The following ATP8A1 variants were observed in gnomAD, a reference collection of about 807,000 sequenced individuals.
ATP8A1 encodes phospholipid-transporting ATPase IA.
A neutral mutation model predicts 177.7 loss-of-function variants in ATP8A1; 90 were observed. The ratio of observed to expected loss-of-function variants is 0.51; its 90% CI spans 0.43 to 0.60. The LOEUF (loss-of-function observed/expected upper bound fraction) is 0.60, where lower values mean the gene tolerates loss of function less well. Ranked by LOEUF, ATP8A1 falls within the 20% of genes least tolerant of loss-of-function variation. The pLI is 0.00. For missense variants in ATP8A1, 1,072 were observed against 1,392.8 expected (o/e 0.77, Z 3.67); for synonymous variants, 493 against 485.9 (o/e 1.01, Z -0.19).
At chr4:42,469,010 G>A (rs934714647) in intron 25 of ATP8A1, among the ~76,000 whole-genome samples, 1 of 105,700 alleles carries the variant, frequency 9.5e-6, no homozygotes, top group Non-Finnish European at 2.3e-5. Flanking sequence ...GGGGTCTGCT[G>A]TTTGAAACTG....
chr4:42,514,184 A>C (rs192853936), intron 22 of ATP8A1, among the ~76,000 whole-genome samples: 2 of 152,358 alleles, frequency 1.3e-5, no homozygotes, highest in Admixed American at 1.3e-4. Context: ...GGTGCTTTTC[A>C]AACCATAGAA....
At chr4:42,536,258 C>A (rs1727817352) in intron 20 of ATP8A1, among the ~76,000 whole-genome samples, 1 of 152,054 alleles carries the variant, frequency 6.6e-6, no homozygotes, top group Non-Finnish European at 1.5e-5. Context: ...CAGTTAGAAA[C>A]AAAATAGGAG....
At chr4:42,635,807 A>ATATATATATATATATATATATATG (rs1225426053) in intron 1 of ATP8A1, among the ~76,000 whole-genome samples, 1 of 117,500 alleles carries the variant, frequency 8.5e-6, no homozygotes, top group Non-Finnish European at 1.7e-5. Context: ...ATATATATAT[A>ATATATATATATATATATATATATG]TATACACATG....
rs1371910173 is a variant in ATP8A1, at chr4:42,569,219, GAA to G, written c.1296-16_1296-15del. On this transcript the variant is annotated splice_polypyrimidine_tract_variant and intron_variant, in intron 14 of 36. Transcript: ENST00000381668. ...TCAGGGACATGGCTTCAGAAAGCAA[GAA>G]GAGAGGCAGAAAGAGAGGAAAAATA... 1 of 1,601,328 alleles carries G rather than the reference GAA, an allele frequency of 6.2e-7. No individual in the cohort carries two copies. The highest frequency in any genetic ancestry group is 2.3e-5 in the East Asian group (1 of 44,050).
chr4:42,434,208 A>C (rs1715646028), intron 33 of ATP8A1, among the ~76,000 whole-genome samples: 1 of 152,188 alleles, frequency 6.6e-6, no homozygotes, highest in Non-Finnish European at 1.5e-5. Flanking sequence ...AAGAGAAACA[A>C]AATTTTAAAA....
intron 24 of ATP8A1, among the ~76,000 whole-genome samples, chr4:42,498,517 T>A (rs1023514753): frequency 9.2e-5 from 14 of 152,234 alleles, no homozygotes; most frequent in African/African-American, 3.1e-4. Context: ...ATTCATTTTC[T>A]GTAAAATATG....
intron 5 of ATP8A1, 56 bp downstream of exon 5, chr4:42,615,977 G>A (rs1215538060): frequency 2.7e-6 from 4 of 1,474,648 alleles, no homozygotes; most frequent in Admixed American, 1.8e-5. Flanking sequence ...TGAAGTGTTT[G>A]TATATACTAC....
intron 6 of ATP8A1, among the ~76,000 whole-genome samples, chr4:42,593,643 T>C (rs972831515): frequency 6.6e-6 from 1 of 152,098 alleles, no homozygotes; most frequent in African/African-American, 2.4e-5. Context: ...CAATTTTTCT[T>C]AATTTAAAAT....
Position 42,656,897 on chromosome 4 carries a change from C to G in ATP8A1, c.-24G>C. 6.4e-7 allele frequency: 1 copy of G among 1,568,864 alleles called. No individual in the cohort carries two copies. The highest frequency in any genetic ancestry group is 2.4e-5 in the East Asian group (1 of 41,674). On this transcript the variant is annotated 5_prime_UTR_variant, in exon 1 of 37. Transcript: ENST00000381668. ...ATCGCGGCGGCGGCTGCAGGTGGGT[C>G]CTCAGCCCGGACTCTGCACCTGTCA...
intron 5 of ATP8A1, among the ~76,000 whole-genome samples, chr4:42,607,223 C>T (rs1470381734): frequency 6.6e-6 from 1 of 152,094 alleles, no homozygotes; most frequent in East Asian, 1.9e-4. Flanking sequence ...AAATACAAAA[C>T]CAGAATACAG....
intron 14 of ATP8A1, among the ~76,000 whole-genome samples, chr4:42,569,794 CTT>C (rs1212968157): frequency 6.6e-6 from 1 of 151,996 alleles, no homozygotes; most frequent in Non-Finnish European, 1.5e-5. Flanking sequence ...TTAAAACACT[CTT>C]TATTTCAAAC....
intron 15 of ATP8A1, among the ~76,000 whole-genome samples, chr4:42,560,508 T>A (rs573706939): frequency 1.3e-5 from 2 of 152,142 alleles, no homozygotes; most frequent in East Asian, 3.9e-4. Context: ...CAGGATAACT[T>A]TAAAATAACA....
At chr4:42,414,563 T>C in intron 36 of ATP8A1, 64 bp downstream of exon 36, 1 of 1,378,518 alleles carries the variant, frequency 7.3e-7, no homozygotes, top group Non-Finnish European at 1.0e-6. Context: ...CAGGATACTG[T>C]ATAAATGCTA....
At chr4:42,552,376 T>A in intron 17 of ATP8A1, 129 bp downstream of exon 17, 1 of 700,860 alleles carries the variant, frequency 1.4e-6, no homozygotes, top group Non-Finnish European at 2.4e-6. Flanking sequence ...AGCCAAGGTT[T>A]TTCTAATTGG....
chr4:42,503,754 G>A (rs1220936272), intron 23 of ATP8A1, among the ~76,000 whole-genome samples: 2 of 152,064 alleles, frequency 1.3e-5, no homozygotes, highest in African/African-American at 2.4e-5. Context: ...AAAGATGGTG[G>A]TAAGGATTCT....
At chr4:42,421,453 G>A (rs1312276088) in intron 35 of ATP8A1, among the ~76,000 whole-genome samples, 1 of 152,104 alleles carries the variant, frequency 6.6e-6, no homozygotes, top group Non-Finnish European at 1.5e-5. Flanking sequence ...TTCATCTCTC[G>A]AAGCCCCAGT....
chr4:42,582,823 T>G (rs1733234535), intron 9 of ATP8A1, among the ~76,000 whole-genome samples: 1 of 152,030 alleles, frequency 6.6e-6, no homozygotes, highest in Admixed American at 6.6e-5. Context: ...GGCTACCCAC[T>G]ATGGTAGGTT....
At chr4:42,480,222 G>T (rs1721533972) in intron 25 of ATP8A1, among the ~76,000 whole-genome samples, 1 of 152,102 alleles carries the variant, frequency 6.6e-6, no homozygotes, top group Non-Finnish European at 1.5e-5. Flanking sequence ...TATAGCCATT[G>T]CAGTTCCTTT....
chr4:42,581,367 T>C (rs1733048844), intron 10 of ATP8A1, among the ~76,000 whole-genome samples: 1 of 152,172 alleles, frequency 6.6e-6, no homozygotes, highest in Non-Finnish European at 1.5e-5. Context: ...TCTCCTGACC[T>C]TGTGATCCGC....
Sources: gnomAD v4.1 joint callset for allele counts (sites outside exome capture counted in the v4.1 genomes callset) on GRCh38, gnomAD v4.1.1 for gene constraint, MANE v1.5 for transcripts, NCBI Gene and HGNC (gene_info 2026-07-23, HGNC 2026-07-21) for gene names.